The following TRIM37 variants were observed in gnomAD, a reference collection of about 807,000 sequenced individuals.
The protein encoded by TRIM37 is tripartite motif containing 37, also known as E3 ubiquitin-protein ligase TRIM37.
Under a neutral mutation model 129.8 loss-of-function variants are expected in TRIM37, and 80 were observed. That is an observed-to-expected ratio of 0.62 (90% CI 0.51 to 0.74). The LOEUF is 0.74. Ranked by LOEUF, TRIM37 falls within the 30% of genes least tolerant of loss-of-function variation. The pLI is 0.00. For synonymous variants in TRIM37, 389 were observed against 387.1 expected, an observed-to-expected ratio of 1.00 and a Z score of -0.06; for missense variants, 1,054 against 1,176.5, an observed-to-expected ratio of 0.90 and a Z score of 1.52.
chr17:59,050,796 T>A (rs909627569), intron 14 of TRIM37, among the ~76,000 whole-genome samples: 1 of 152,094 alleles, frequency 6.6e-6, no homozygotes, highest in East Asian at 1.9e-4. Flanking sequence ...TGGCTAACAC[T>A]GTGAAACCCT....
intron 5 of TRIM37, 29 bp from the exon 6 acceptor site, chr17:59,081,248 C>T: frequency 6.2e-7 from 1 of 1,606,438 alleles, no homozygotes; most frequent in Non-Finnish European, 8.5e-7. Flanking sequence ...CTTTAGAACA[C>T]TTTCACATAT....
chr17:58,974,994 A>C, the TRIM37 span, among the ~76,000 whole-genome samples: 1 of 152,340 alleles, frequency 6.6e-6, no homozygotes, highest in South Asian at 2.1e-4. Flanking sequence ...CATTTCTAAA[A>C]TATACCCTTA....
At chr17:59,046,336 A>G (rs1472007454) in intron 16 of TRIM37, among the ~76,000 whole-genome samples, 1 of 152,186 alleles carries the variant, frequency 6.6e-6, no homozygotes, top group Non-Finnish European at 1.5e-5. Context: ...ATCAAAATTA[A>G]CCACAAGTAA....
At chr17:59,040,937 T>C (rs1420160869) in intron 17 of TRIM37, among the ~76,000 whole-genome samples, 2 of 151,696 alleles carry the variant, frequency 1.3e-5, no homozygotes, top group Non-Finnish European at 2.9e-5. Context: ...TCCCAGCTAC[T>C]CGGGAGGCTG....
intron 9 of TRIM37, among the ~76,000 whole-genome samples, chr17:59,070,408 A>AT (rs1161391858): frequency 1.3e-5 from 2 of 152,196 alleles, no homozygotes; most frequent in African/African-American, 2.4e-5. Flanking sequence ...GTAATCAATT[A>AT]TTTTTTTCTA....
chr17:59,011,950 C>T (rs1411153481), intron 22 of TRIM37, among the ~76,000 whole-genome samples: 6 of 152,118 alleles, frequency 3.9e-5, no homozygotes, highest in Admixed American at 1.3e-4. Flanking sequence ...AGCAAAAATT[C>T]GATGCCTGGT....
At chr17:59,037,862 A>C (rs1370470246) in intron 17 of TRIM37, among the ~76,000 whole-genome samples, 1 of 152,188 alleles carries the variant, frequency 6.6e-6, no homozygotes, top group East Asian at 1.9e-4. Context: ...CTGTCTTTTT[A>C]GACTCTTCTG....
intron 19 of TRIM37, among the ~76,000 whole-genome samples, chr17:59,027,372 C>A (rs150686056): frequency 2.0e-5 from 3 of 152,252 alleles, no homozygotes; most frequent in African/African-American, 7.2e-5. Flanking sequence ...TCCTAAAATT[C>A]TATTTAGGCT....
chr17:59,009,893 A>C (rs1388036746), intron 22 of TRIM37, among the ~76,000 whole-genome samples: 1 of 152,240 alleles, frequency 6.6e-6, no homozygotes, highest in Admixed American at 6.5e-5. Flanking sequence ...AAAGTCTTTA[A>C]CACAGTAAGA....
intron 5 of TRIM37, among the ~76,000 whole-genome samples, chr17:59,081,958 A>T (rs56203029): frequency 0.087 from 10,757 of 124,130 alleles, 459 homozygotes; most frequent in African/African-American, 0.12. Context: ...AAAAATAAAA[A>T]AAAAAAAATA....
chr17:59,106,313 C>T (rs1297967106), intron 1 of TRIM37, 128 bp downstream of exon 1: 2 of 1,121,614 alleles, frequency 1.8e-6, no homozygotes, highest in South Asian at 1.3e-5. Context: ...CCGGGCCAGC[C>T]CTCTCCACAG....
At chr17:59,015,412 C>A (rs2035796238) in intron 21 of TRIM37, among the ~76,000 whole-genome samples, 198 bp downstream of exon 21, 4 of 151,944 alleles carry the variant, frequency 2.6e-5, no homozygotes, top group South Asian at 4.1e-4. Context: ...TGCACTCCAG[C>A]CTGGGTGACA....
In TRIM37 at chr17:59,094,614, T is replaced by TA. The variant is rs796756986; in HGVS notation, c.124-3275dup. On this transcript the variant is annotated intron_variant, in intron 2 of 23. Transcript: ENST00000262294. ...ATATACTAAGTATCTAAGATAATCT[T>TA]AAAAAAAAAACAAACTGGCTGCTAA... Among the ~76,000 whole-genome samples the TA allele has an allele frequency of 1.8e-3, 258 of 146,250 alleles. 4 individuals carry two copies. The highest frequency in any genetic ancestry group is 5.7e-3 in the African/African-American group (227 of 39,880).
At chr17:59,053,992 C>G (rs2059471789) in intron 13 of TRIM37, among the ~76,000 whole-genome samples, 1 of 152,108 alleles carries the variant, frequency 6.6e-6, no homozygotes, top group Non-Finnish European at 1.5e-5. Context: ...AATCATATCC[C>G]TTGTTAAACT....
At chr17:59,004,883 A>G (rs1598831615) in intron 22 of TRIM37, among the ~76,000 whole-genome samples, 1 of 152,260 alleles carries the variant, frequency 6.6e-6, no homozygotes, top group African/African-American at 2.4e-5. Context: ...GCATTATTTC[A>G]GCCTTAAATA....
chr17:59,064,858 T>G (rs986326058), intron 9 of TRIM37, among the ~76,000 whole-genome samples: 9 of 151,948 alleles, frequency 5.9e-5, no homozygotes, highest in Admixed American at 5.2e-4. Flanking sequence ...TTGCGGTGAT[T>G]CGAGATTGCA....
At chr17:59,035,257 C>T (rs770739384) in intron 17 of TRIM37, among the ~76,000 whole-genome samples, 9 of 151,798 alleles carry the variant, frequency 5.9e-5, no homozygotes, top group Non-Finnish European at 8.8e-5. Flanking sequence ...AATGAGGTTT[C>T]GCCATGTTGG....
In TRIM37 at chr17:59,051,309, T is replaced by A; in HGVS notation, c.1219A>T (p.Thr407Ser). 6.2e-7 allele frequency: 1 copy of A among 1,613,274 alleles called. No individual in the cohort carries two copies. Residue 407 changes from threonine to serine, a missense_variant, in exon 14 of 24, where the codon ACT becomes TCT. Transcript: ENST00000262294. ...TGGTCCCGGGATTTTTGAAAGAAAG[T>A]TGGTGAACGTACCTGAAACCTTAAA... Reference protein sequence around the residue: ...VILRFQVRSPTFFQKSRDQHW... With the variant: ...VILRFQVRSPSFFQKSRDQHW...
chr17:59,076,511 C>A (rs1439022670), intron 7 of TRIM37, among the ~76,000 whole-genome samples: 2 of 152,212 alleles, frequency 1.3e-5, no homozygotes, highest in African/African-American at 2.4e-5. Flanking sequence ...CTTGATTGCA[C>A]CACTGCAGTC....
Sources: gnomAD v4.1 joint callset for allele counts (sites outside exome capture counted in the v4.1 genomes callset) on GRCh38, gnomAD v4.1.1 for gene constraint, MANE v1.5 for transcripts, NCBI Gene and HGNC (gene_info 2026-07-23, HGNC 2026-07-21) for gene names.